Variants in GLE1 observed in about 807,000 individuals in gnomAD.
The protein encoded by GLE1 is mRNA export factor GLE1.
Under a neutral mutation model 97.3 loss-of-function variants are expected in GLE1, and 78 were observed. The observed-to-expected ratio is 0.80, with a 90% CI of 0.67 to 0.97. The LOEUF (loss-of-function observed/expected upper bound fraction) is 0.97, where lower values mean the gene tolerates loss of function less well. Ranked by LOEUF, GLE1 falls within the 50% of genes least tolerant of loss-of-function variation. The pLI is 0.00. For missense variants in GLE1, 753 were observed against 857.5 expected, an observed-to-expected ratio of 0.88 and a Z score of 1.52; for synonymous variants, 302 against 313.4, an observed-to-expected ratio of 0.96 and a Z score of 0.39.
intron 3 of GLE1, among the ~76,000 whole-genome samples, chr9:128,517,854 T>C (rs1015094300): frequency 6.6e-6 from 1 of 152,152 alleles, no homozygotes; most frequent in Non-Finnish European, 1.5e-5. Context: ...TCATTTCTTA[T>C]CATATTCAGA....
chr9:128,530,255 T>C (rs1847450750), intron 9 of GLE1, among the ~76,000 whole-genome samples: 1 of 152,204 alleles, frequency 6.6e-6, no homozygotes, highest in Non-Finnish European at 1.5e-5. Flanking sequence ...TCTCTGCCTA[T>C]ATGTCTCTTA....
intron 1 of GLE1, among the ~76,000 whole-genome samples, chr9:128,506,193 A>G (rs1846636248): frequency 6.6e-6 from 1 of 152,206 alleles, no homozygotes; most frequent in Middle Eastern, 3.4e-3. Context: ...TAAAAATACA[A>G]AATTAGCCGA....
At chr9:128,516,288 A>G (rs1302485005) in intron 3 of GLE1, among the ~76,000 whole-genome samples, 1 of 150,792 alleles carries the variant, frequency 6.6e-6, no homozygotes, top group Non-Finnish European at 1.5e-5. Context: ...AAATAGCAGC[A>G]CTATTTTAAT....
At chr9:128,512,218 G>A (rs1228787781) in intron 2 of GLE1, among the ~76,000 whole-genome samples, 8 of 152,166 alleles carry the variant, frequency 5.3e-5, no homozygotes. Context: ...ATAAATATAG[G>A]TGTGACATGG....
At chr9:128,507,780 C>T (rs867322672) in intron 1 of GLE1, among the ~76,000 whole-genome samples, 14 of 151,040 alleles carry the variant, frequency 9.3e-5, no homozygotes, top group Non-Finnish European at 1.9e-4. Context: ...CCCAGCTGCT[C>T]GGGAGGCTGA....
At chr9:128,515,685 A>AT (rs1846965115) in intron 3 of GLE1, 46 bp downstream of exon 3, 1 of 974,498 alleles carries the variant, frequency 1.0e-6, no homozygotes, top group Non-Finnish European at 1.7e-6. Context: ...TGCGAGCCAC[A>AT]TTTAACTGCA....
intron 2 of GLE1, among the ~76,000 whole-genome samples, chr9:128,509,785 C>T (rs1036304420): frequency 6.6e-6 from 1 of 151,822 alleles, no homozygotes; most frequent in African/African-American, 2.4e-5. Flanking sequence ...ATAGTGAGAC[C>T]TTGTCTCTCC....
intron 2 of GLE1, among the ~76,000 whole-genome samples, chr9:128,510,588 G>T (rs1323908186): frequency 6.9e-6 from 1 of 145,442 alleles, no homozygotes; most frequent in African/African-American, 2.5e-5. Flanking sequence ...GAGTACAGTG[G>T]CATGGTCTCG....
Position 128,541,118 on chromosome 9 carries a change from AG to A in GLE1, c.2047del (p.Asp683ThrfsTer9). On this transcript the variant is annotated frameshift_variant, in exon 16 of 16. Transcript: ENST00000309971. LOFTEE classifies it high-confidence loss of function. The stretch of plus-strand genomic sequence containing the variant: ...CCTGACCAGAAATGTTTGCAACACA[AG>A]GACATTCCTGTCCCCAAGGGCTTTC... The part of the protein sequence containing the change: ...KQFLEKCLQH[K>X]DIPVPKGFLT... The A allele has an allele frequency of 6.3e-7, 1 of 1,580,768 alleles. No individual in the cohort carries two copies. The highest frequency in any genetic ancestry group is 8.7e-7 in the Non-Finnish European group (1 of 1,149,522).
At chr9:128,519,069 A>G (rs1847065709) in intron 3 of GLE1, among the ~76,000 whole-genome samples, 1 of 152,142 alleles carries the variant, frequency 6.6e-6, no homozygotes, top group South Asian at 2.1e-4. Context: ...GACACTTATC[A>G]CTTCCCTAAT....
At chr9:128,515,442 T>C (rs938495139) in intron 2 of GLE1, 87 bp from the exon 3 acceptor site, 4 of 756,312 alleles carry the variant, frequency 5.3e-6, no homozygotes, top group Non-Finnish European at 9.2e-6. Flanking sequence ...TAAGTTGGGA[T>C]GTGGTCTTTG....
At position 128,533,943 on chromosome 9, in the gene GLE1, C is replaced by G; in HGVS notation, c.1638C>G (p.Asp546Glu). 1 of 1,602,958 alleles carries G rather than the reference C, an allele frequency of 6.2e-7. No individual in the cohort carries two copies. ...PTFKEGMALE[D>E]YQRMLGYQVK... ...TCAAGGAGGGAATGGCTTTGGAAGA[C>G]TATCAGAGGTAAAGTTGTTTTTCTC... Residue 546 changes from aspartate (D) to glutamate (E), a missense_variant, in exon 11 of 16, where the codon GAC becomes GAG. By Grantham distance (45) the Asp-to-Glu change is conservative. Transcript: ENST00000309971.
intron 3 of GLE1, 124 bp from the exon 4 acceptor site, chr9:128,522,544 T>C (rs781773792): frequency 6.4e-5 from 67 of 1,040,502 alleles, no homozygotes; most frequent in East Asian, 1.3e-4. Context: ...TCCCAGCTAC[T>C]TGGGGAGCTG....
At chr9:128,519,931 T>C (rs1847091419) in intron 3 of GLE1, among the ~76,000 whole-genome samples, 2 of 151,976 alleles carry the variant, frequency 1.3e-5, no homozygotes, top group South Asian at 4.1e-4. Flanking sequence ...TTAGGGAAAA[T>C]AGAAAAGAAC....
chr9:128,526,818 C>T (rs1263832734), intron 7 of GLE1, among the ~76,000 whole-genome samples: 2 of 151,928 alleles, frequency 1.3e-5, no homozygotes, highest in African/African-American at 4.8e-5. Flanking sequence ...TACAGGCATG[C>T]GCCACCCTGC....
chr9:128,533,907 C>G lies in GLE1; in HGVS notation c.1602C>G (p.Phe534Leu), dbSNP rs1179196684. The part of the protein sequence containing the change: ...LHKKCPYSVP[F>L]YPTFKEGMAL... ...AGAAGTGTCCTTACTCTGTTCCTTT[C>G]TATCCCACTTTCAAGGAGGGAATGG... The change falls in exon 11 of 16, where the codon TTC becomes TTG. Residue 534 changes from phenylalanine to leucine, a missense_variant. Physicochemically the swap from Phe to Leu is conservative, Grantham distance 22. Transcript: ENST00000309971. 6.2e-7 allele frequency: 1 copy of G among 1,613,546 alleles called. No homozygotes were observed.
intron 1 of GLE1, among the ~76,000 whole-genome samples, chr9:128,505,347 G>A (rs886987947): frequency 6.6e-6 from 1 of 152,136 alleles, no homozygotes; most frequent in Admixed American, 6.5e-5. Context: ...ATGGGGGCGT[G>A]GTCACCGTAC....
rs1161537688 is a variant in GLE1, at chr9:128,523,273, C to T, written c.582-7C>T. 7.5e-6 allele frequency: 12 copies of T among 1,606,368 alleles called. No individual in the cohort carries two copies. In the East Asian group the frequency reaches 2.7e-4, roughly 36 times the overall value. On this transcript the variant is annotated splice_region_variant and splice_polypyrimidine_tract_variant and intron_variant, in intron 4 of 15. Transcript: ENST00000309971. ...CTGACTATTCCTCCCTGCCATTTTTCATGCAGCTCCAGAGAAGCCTTGGGA... is the reference window on the plus strand; with the variant it reads ...CTGACTATTCCTCCCTGCCATTTTTTATGCAGCTCCAGAGAAGCCTTGGGA...
At chr9:128,514,587 C>G (rs1341837325) in intron 2 of GLE1, among the ~76,000 whole-genome samples, 1 of 151,794 alleles carries the variant, frequency 6.6e-6, no homozygotes, top group Non-Finnish European at 1.5e-5. Flanking sequence ...GGACTACAGG[C>G]GCCCGCCACC....
Sources: gnomAD v4.1 joint callset for allele counts (sites outside exome capture counted in the v4.1 genomes callset) on GRCh38, gnomAD v4.1.1 for gene constraint, MANE v1.5 for transcripts, NCBI Gene and HGNC (gene_info 2026-07-23, HGNC 2026-07-21) for gene names.